The following ASAH1 variants were observed in gnomAD, a reference collection of about 807,000 sequenced individuals.
ASAH1 encodes the protein N-acylsphingosine amidohydrolase 1, also known as acid ceramidase.
ASAH1 carries 70 observed loss-of-function variants against 59.5 expected under a neutral mutation model. The observed-to-expected ratio is 1.18, with a 90% CI of 0.97 to 1.43. The LOEUF (loss-of-function observed/expected upper bound fraction) is 1.43. Ranked by LOEUF, ASAH1 falls within the 40% of genes most tolerant of loss-of-function variation. The probability of loss-of-function intolerance (pLI) is 0.00; values close to 1 mark genes in which losing one functional copy is unlikely to be tolerated. For synonymous variants in ASAH1, 213 were observed against 166.5 expected (o/e 1.28, Z -2.15); for missense variants, 660 against 482.5 (o/e 1.37, Z -3.45).
At chr8:18,078,158 C>T (rs7816074) in intron 1 of ASAH1, among the ~76,000 whole-genome samples, 72,245 of 151,612 alleles carry the variant, frequency 0.48, 17,520 homozygotes, top group Middle Eastern at 0.52. Flanking sequence ...TTAAGTGAAA[C>T]GTAATGACTC....
At chr8:18,067,011 T>C (rs768112281) in intron 5 of ASAH1, 8 of 455,780 alleles carry the variant, frequency 1.8e-5, no homozygotes, top group Non-Finnish European at 3.2e-5. Context: ...CATCGTGGAG[T>C]GCTGGGCTCT....
rs1411267767 is a variant in ASAH1, at chr8:18,062,278, C to T, written c.648+1G>A. On this transcript the variant is annotated splice_donor_variant, in intron 8 of 13. Transcript: ENST00000637790. LOFTEE classifies it high-confidence loss of function. ...TAATTATGTAACAACAGACTCCTTA[C>T]TGGTTTGAATCCTGTTAACATGCCC... The T allele has an allele frequency of 6.2e-7, 1 of 1,614,176 alleles. No individual in the cohort carries two copies. The highest frequency in any genetic ancestry group is 8.5e-7 in the Non-Finnish European group (1 of 1,180,030).
intron 4 of ASAH1, among the ~76,000 whole-genome samples, chr8:18,068,941 A>T (rs1156772916): frequency 6.6e-6 from 1 of 151,558 alleles, no homozygotes; most frequent in African/African-American, 2.4e-5. Flanking sequence ...GAGTTGGGAG[A>T]CCAGCCTGGG....
intron 7 of ASAH1, 50 bp downstream of exon 7, chr8:18,063,135 T>C (rs1799777065): frequency 6.3e-6 from 10 of 1,580,118 alleles, no homozygotes; most frequent in Non-Finnish European, 8.7e-6. Flanking sequence ...CCCAAAAAGC[T>C]GGGATTACAG....
chr8:18,084,523 A>C, upstream of ASAH1: 2 of 1,395,760 alleles, frequency 1.4e-6, no homozygotes, highest in Non-Finnish European at 2.0e-6. Context: ...GTAACATCCC[A>C]CCCTGACCCA....
chr8:18,077,292 A>G (rs1301473225), intron 1 of ASAH1, among the ~76,000 whole-genome samples: 3 of 152,232 alleles, frequency 2.0e-5, no homozygotes, highest in Non-Finnish European at 2.9e-5. Context: ...ATAAATAACC[A>G]TGAGCTTTAA....
intron 4 of ASAH1, among the ~76,000 whole-genome samples, chr8:18,069,010 A>G (rs1272678542): frequency 6.6e-6 from 1 of 151,982 alleles, no homozygotes; most frequent in East Asian, 1.9e-4. Context: ...GTGTGGCGGC[A>G]CGTGACTGTA....
chr8:18,082,413 A>T (rs1309992254), intron 1 of ASAH1: 2 of 152,328 alleles, frequency 1.3e-5, no homozygotes, highest in East Asian at 1.9e-4. Flanking sequence ...CCTCCTGGAC[A>T]TCAACAATCC....
At chr8:18,067,129 A>AGCACCTGTGCTGTATATCTAAGACATACT in intron 5 of ASAH1, 91 bp downstream of exon 5, 1 of 565,004 alleles carries the variant, frequency 1.8e-6, no homozygotes, top group Non-Finnish European at 2.4e-6. Flanking sequence ...TAAGACATAC[A>AGCACCTGTGCTGTATATCTAAGACATACT]GCACCTGTGC....
chr8:18,082,473 A>G (rs1238670564), intron 1 of ASAH1: 3 of 152,188 alleles, frequency 2.0e-5, no homozygotes, highest in Admixed American at 6.5e-5. Flanking sequence ...ACACACCAAG[A>G]CAAAGCAATG....
At chr8:18,068,811 A>G (rs1324479082) in intron 4 of ASAH1, 1 of 152,526 alleles carries the variant, frequency 6.6e-6, no homozygotes, top group Non-Finnish European at 1.5e-5. Flanking sequence ...CCTGGAATGT[A>G]GACAAGCCCA....
intron 1 of ASAH1, among the ~76,000 whole-genome samples, chr8:18,077,341 C>G (rs1283448492): frequency 2.0e-5 from 3 of 152,238 alleles, no homozygotes; most frequent in East Asian, 1.9e-4. Flanking sequence ...ATTTGCTCAA[C>G]TCCGCCTTTT....
At chr8:18,062,889 G>C (rs1407251404) in intron 7 of ASAH1, 3 of 110,242 alleles carry the variant, frequency 2.7e-5, no homozygotes, top group Non-Finnish European at 4.9e-5. Context: ...TTTTTTTTTT[G>C]AGATGGAGTC....
chr8:18,062,519 T>C, intron 7 of ASAH1, 96 bp from the exon 8 acceptor site: 2 of 1,344,894 alleles, frequency 1.5e-6, no homozygotes, highest in Non-Finnish European at 2.1e-6. Context: ...GAGCTTTATT[T>C]ACCGAGTCAC....
intron 10 of ASAH1, 70 bp from the exon 11 acceptor site, chr8:18,059,773 T>C (rs1308275634): frequency 7.0e-7 from 1 of 1,433,408 alleles, no homozygotes; most frequent in Non-Finnish European, 9.5e-7. Flanking sequence ...CATTTATTTT[T>C]AAATTTTACT....
At chr8:18,070,243 G>C (rs1321605655) in intron 3 of ASAH1, among the ~76,000 whole-genome samples, 11 of 151,794 alleles carry the variant, frequency 7.2e-5, no homozygotes, top group Admixed American at 7.2e-4. Context: ...TCTGCCTCCC[G>C]GGTTCAAGCG....
chr8:18,084,507 A>G, upstream of ASAH1: 1 of 1,348,660 alleles, frequency 7.4e-7, no homozygotes, highest in Non-Finnish European at 1.0e-6. Context: ...GAGTCTCAAC[A>G]CTAATGTAAC....
At chr8:18,064,340 T>C (rs767678690) in intron 6 of ASAH1, 117 bp downstream of exon 6, 1 of 811,802 alleles carries the variant, frequency 1.2e-6, no homozygotes, top group South Asian at 1.5e-5. Flanking sequence ...AAAAGCTGTA[T>C]GCAACATACA....
At chr8:18,061,056 A>G in intron 10 of ASAH1, 1 of 296,436 alleles carries the variant, frequency 3.4e-6, no homozygotes, top group African/African-American at 2.2e-5. Flanking sequence ...CCTGGTCTGT[A>G]CTACCATTTA....
Sources: allele counts gnomAD v4.1 joint callset (sites outside exome capture counted in the v4.1 genomes callset), GRCh38; gene constraint gnomAD v4.1.1; transcripts MANE v1.5; gene names NCBI Gene and HGNC (gene_info 2026-07-23, HGNC 2026-07-21).